The following DOP1B variants were observed in gnomAD, a reference collection of about 807,000 sequenced individuals.
DOP1B encodes the protein DOP1 leucine zipper like protein B, also known as protein DOP1B.
DOP1B carries 174 observed loss-of-function variants against 233.5 expected under a neutral mutation model. That is an observed-to-expected ratio of 0.75 (90% CI 0.66 to 0.85). The LOEUF (loss-of-function observed/expected upper bound fraction) is 0.85. DOP1B is among the 40% of genes least tolerant of loss of function. DOP1B has a pLI of 0.00. For missense variants in DOP1B, 2,652 were observed against 2,846.6 expected (o/e 0.93, Z 1.56); for synonymous variants, 1,190 against 1,185.6 (o/e 1.00, Z -0.08).
chr21:36,191,268 A>C lies in DOP1B; in HGVS notation c.139-7802A>C, dbSNP rs573875694. Among the ~76,000 whole-genome samples, 221 of 147,936 alleles carry C rather than the reference A, an allele frequency of 1.5e-3. 3 individuals are homozygous for C. In the East Asian group the frequency reaches 0.027, roughly 18 times the overall value. On this transcript the variant is annotated intron_variant, in intron 2 of 36. Coordinates refer to ENST00000691173, the MANE Select transcript of DOP1B (RefSeq NM_001320714.2). ...AAAAACAAGTCAGAAAAAAAAAAAA[A>C]CAAAAAACAGAAAAAAACCCACATA...
chr21:36,172,358 G>C (rs141516772), intron 2 of DOP1B, among the ~76,000 whole-genome samples: 118 of 152,314 alleles, frequency 7.7e-4, no homozygotes, highest in African/African-American at 2.7e-3. Context: ...GATGTGGAGG[G>C]TTTGGATGGT....
chr21:36,290,401 C>T (rs1320970552), intron 35 of DOP1B, among the ~76,000 whole-genome samples: 1 of 152,110 alleles, frequency 6.6e-6, no homozygotes, highest in African/African-American at 2.4e-5. Flanking sequence ...TGGCTCACAC[C>T]TGTAATCCCA....
In DOP1B at chr21:36,178,279, C is replaced by T. The variant is rs57355343; in HGVS notation, c.138+13408C>T. ...GCTAAGGCAGGTGGATCACTTGAGCCCAGGAGTTTGAGACCAGCCTGGACA... is the reference window on the plus strand; with the variant it reads ...GCTAAGGCAGGTGGATCACTTGAGCTCAGGAGTTTGAGACCAGCCTGGACA... On this transcript the variant is annotated intron_variant, in intron 2 of 36. Transcript: ENST00000691173. Among the ~76,000 whole-genome samples, 617 of 152,074 alleles carry T rather than the reference C, an allele frequency of 4.1e-3. 3 individuals are homozygous for T. The highest frequency in any genetic ancestry group is 0.014 in the African/African-American group (579 of 41,482).
Position 36,289,032 on chromosome 21 carries a change from T to C in DOP1B, c.6354-13T>C. The C allele has an allele frequency of 6.2e-7, 1 of 1,610,020 alleles. No individual in the cohort carries two copies. Among genetic ancestry groups the C allele is most frequent in the Non-Finnish European group, 8.5e-7 (1 of 1,178,588 alleles). On this transcript the variant is annotated splice_polypyrimidine_tract_variant and intron_variant, in intron 34 of 36. Transcript: ENST00000691173. The stretch of plus-strand genomic sequence containing the variant: ...AATGAATTTATAACAAGCGTTTCTT[T>C]GCAAATTTATAGAAGCACCAACAAA...
chr21:36,185,908 A>G (rs1177452296), intron 2 of DOP1B, among the ~76,000 whole-genome samples: 1 of 152,232 alleles, frequency 6.6e-6, no homozygotes, highest in Non-Finnish European at 1.5e-5. Context: ...GTGTTTTAAA[A>G]AGTAATTTTC....
chr21:36,210,517 C>T (rs781762402), intron 5 of DOP1B, among the ~76,000 whole-genome samples: 2 of 152,040 alleles, frequency 1.3e-5, no homozygotes, highest in Admixed American at 6.6e-5. Context: ...TGGTGATGGG[C>T]GCCCGTAGTC....
chr21:36,238,273 G>A (rs529119172), intron 16 of DOP1B, among the ~76,000 whole-genome samples: 12 of 152,202 alleles, frequency 7.9e-5, no homozygotes, highest in Admixed American at 5.2e-4. Context: ...GTGTCTCCTC[G>A]TTCTTTAAGA....
At chr21:36,291,665 C>T (rs1200860341) in intron 35 of DOP1B, among the ~76,000 whole-genome samples, 1 of 152,102 alleles carries the variant, frequency 6.6e-6, no homozygotes, top group East Asian at 1.9e-4. Flanking sequence ...GATGAACAGG[C>T]AGATCATGTG....
chr21:36,159,309 G>A (rs1158881212), intron 1 of DOP1B, among the ~76,000 whole-genome samples: 1 of 151,986 alleles, frequency 6.6e-6, no homozygotes, highest in African/African-American at 2.4e-5. Flanking sequence ...AAATTAGCCG[G>A]GCGTGGTGGC....
rs78031754 is a variant in DOP1B, at chr21:36,254,462, G to A, written c.5259+553G>A. On this transcript the variant is annotated intron_variant, in intron 23 of 36. Coordinates refer to ENST00000691173, the MANE Select transcript of DOP1B (RefSeq NM_001320714.2). ...GAAGTAGAAAATTACAAAAGAGCAG[G>A]TGGGGAGGCTGCTCAGTCCATAGAT... Among the ~76,000 whole-genome samples, 757 of 152,194 alleles carry A rather than the reference G, an allele frequency of 5.0e-3. 5 individuals are homozygous for A. Among genetic ancestry groups the A allele is most frequent in the Non-Finnish European group, 8.4e-3 (572 of 68,004 alleles).
At chr21:36,244,171 G>GCAC (rs1300243234) in intron 18 of DOP1B, among the ~76,000 whole-genome samples, 8 of 151,198 alleles carry the variant, frequency 5.3e-5, no homozygotes, top group Non-Finnish European at 8.8e-5. Flanking sequence ...CTATGGGCAC[G>GCAC]CACCACCACG....
At chr21:36,190,458 C>T (rs569201699) in intron 2 of DOP1B, among the ~76,000 whole-genome samples, 2 of 151,500 alleles carry the variant, frequency 1.3e-5, no homozygotes, top group African/African-American at 2.4e-5. Context: ...AGTGCAGTGG[C>T]GCAATCTCAG....
Position 36,285,794 on chromosome 21 carries a change from G to A in DOP1B, c.6161-2220G>A, listed in dbSNP as rs145845666. 8.7e-3 allele frequency among the ~76,000 whole-genome samples: 1,331 copies of A among 152,154 alleles called. 9 individuals carry two copies. The highest frequency in any genetic ancestry group is 0.014 in the Non-Finnish European group (940 of 68,002). On this transcript the variant is annotated intron_variant, in intron 32 of 36. Transcript: ENST00000691173. ...GGCTGTGGTGGGCAGGTCACTTGAG[G>A]TCAGGAGTTCAAGACCAACCTGGCC...
intron 23 of DOP1B, 89 bp from the exon 24 acceptor site, chr21:36,260,588 A>G: frequency 2.6e-6 from 4 of 1,552,040 alleles, no homozygotes; most frequent in Non-Finnish European, 3.5e-6. Context: ...TTGCTTTGTT[A>G]GGCTATAGAT....
intron 15 of DOP1B, among the ~76,000 whole-genome samples, chr21:36,234,525 A>T (rs2066804438): frequency 6.7e-6 from 1 of 149,072 alleles, no homozygotes; most frequent in African/African-American, 2.5e-5. Flanking sequence ...AGTACTTACC[A>T]TTTGCCTGGC....
At position 36,249,791 on chromosome 21, in the gene DOP1B, T is replaced by G. The variant is rs143493373; in HGVS notation, c.4998+1223T>G. Among the ~76,000 whole-genome samples, 517 of 152,248 alleles carry G rather than the reference T, an allele frequency of 3.4e-3. 1 individual carries two copies. Among genetic ancestry groups the G allele is most frequent in the Middle Eastern group, 0.01 (3 of 294 alleles). The stretch of plus-strand genomic sequence containing the variant: ...GTTGAGAGCCCCCAGGTGCCAGATG[T>G]GGCCGCAGGGATGAGCCTTGCCATC... On this transcript the variant is annotated intron_variant, in intron 21 of 36. Transcript: ENST00000691173.
rs762175191 is a variant in DOP1B at position 36,288,160 on chromosome 21, A to C, written c.6297+10A>C. 20 of 1,599,868 alleles carry C rather than the reference A, an allele frequency of 1.3e-5. No individual in the cohort carries two copies. Among genetic ancestry groups the C allele is most frequent in the Non-Finnish European group, 1.6e-5 (19 of 1,175,414 alleles). ...AATGGTCTCTGAATTGGTGAGTACAAGTATTGTAAGTTTGAAAGCAAGGTT... is the reference window on the plus strand; with the variant it reads ...AATGGTCTCTGAATTGGTGAGTACACGTATTGTAAGTTTGAAAGCAAGGTT... On this transcript the variant is annotated intron_variant, in intron 33 of 36. Coordinates refer to ENST00000691173, the MANE Select transcript of DOP1B (RefSeq NM_001320714.2).
rs768894966 is a variant in DOP1B, at chr21:36,292,055, G to T, written c.6516-49G>T. ...TCTTAATAAAACTAATTTTAACGAC[G>T]TTGAAGGCCTCTTACCAGCAGACCT... On this transcript the variant is annotated intron_variant, in intron 35 of 36. Coordinates refer to ENST00000691173, the MANE Select transcript of DOP1B (RefSeq NM_001320714.2). The T allele has an allele frequency of 6.5e-6, 10 of 1,543,244 alleles. No individual in the cohort carries two copies. In the South Asian group the frequency reaches 1.2e-4, roughly 19 times the overall value.
At chr21:36,190,911 C>T (rs756529086) in intron 2 of DOP1B, among the ~76,000 whole-genome samples, 15 of 152,186 alleles carry the variant, frequency 9.9e-5, no homozygotes, top group Non-Finnish European at 1.9e-4. Flanking sequence ...GGTGGCACAC[C>T]TGTTTTGTGC....
Sources: gnomAD v4.1 joint callset for allele counts (sites outside exome capture counted in the v4.1 genomes callset) on GRCh38, gnomAD v4.1.1 for gene constraint, MANE v1.5 for transcripts, NCBI Gene and HGNC (gene_info 2026-07-23, HGNC 2026-07-21) for gene names.